Variants in SPIDR observed in about 807,000 individuals in gnomAD.
The protein encoded by SPIDR is scaffold protein involved in DNA repair.
SPIDR carries 93 observed loss-of-function variants against 104.6 expected under a neutral mutation model. The ratio of observed to expected loss-of-function variants is 0.89; its 90% CI spans 0.75 to 1.06. SPIDR has a LOEUF of 1.06. Among genes scored for constraint, SPIDR ranks in the 50% least tolerant of loss-of-function variants. SPIDR has a pLI of 0.00. For missense variants in SPIDR, 1,154 were observed against 1,111.2 expected, an observed-to-expected ratio of 1.04 and a Z score of -0.55; for synonymous variants, 431 against 416.9, an observed-to-expected ratio of 1.03 and a Z score of -0.41.
At chr8:47,554,829 C>T (rs146677875) in intron 8 of SPIDR, among the ~76,000 whole-genome samples, 43 of 152,352 alleles carry the variant, frequency 2.8e-4, no homozygotes, top group African/African-American at 9.6e-4. Context: ...CTGCGTCATT[C>T]ACGCTTGGAG....
intron 15 of SPIDR, 103 bp downstream of exon 15, chr8:47,712,975 G>A (rs897038171): frequency 3.9e-5 from 60 of 1,541,180 alleles, no homozygotes; most frequent in Middle Eastern, 4.6e-4. Flanking sequence ...GGACGCTGCC[G>A]GCACCTTCAC....
chr8:47,386,566 A>G (rs2059929470), intron 5 of SPIDR, among the ~76,000 whole-genome samples: 1 of 152,070 alleles, frequency 6.6e-6, no homozygotes, highest in Non-Finnish European at 1.5e-5. Context: ...TACCTCTGTT[A>G]CTGGATTGCT....
In SPIDR at chr8:47,524,768, G is replaced by C. The variant is rs183826313; in HGVS notation, c.1098-71043G>C. On this transcript the variant is annotated intron_variant, in intron 8 of 19. Coordinates refer to ENST00000297423, the MANE Select transcript of SPIDR (RefSeq NM_001080394.4). ...AACACTCAGAGGTTGGAAGGGAATT[G>C]GGAGAACTAAGTAATTATTAATAAA... Among the ~76,000 whole-genome samples the C allele has an allele frequency of 1.2e-3, 177 of 152,304 alleles. 1 individual carries two copies. The highest frequency in any genetic ancestry group is 2.4e-4 in the Non-Finnish European group (16 of 68,030).
chr8:47,567,528 A>G (rs1215472139), intron 8 of SPIDR, among the ~76,000 whole-genome samples: 1 of 151,990 alleles, frequency 6.6e-6, no homozygotes, highest in Non-Finnish European at 1.5e-5. Flanking sequence ...CTGAGGATAA[A>G]CAATATTTCT....
intron 8 of SPIDR, among the ~76,000 whole-genome samples, chr8:47,593,586 T>G (rs2061313587): frequency 6.6e-6 from 1 of 152,196 alleles, no homozygotes; most frequent in Non-Finnish European, 1.5e-5. Flanking sequence ...ACATGGACAT[T>G]TGGAGTATTA....
chr8:47,724,414 C>G (rs1042040754), intron 16 of SPIDR, among the ~76,000 whole-genome samples: 2 of 152,248 alleles, frequency 1.3e-5, no homozygotes, highest in African/African-American at 4.8e-5. Context: ...GTCTGCCCAC[C>G]TCCATCAGAT....
intron 8 of SPIDR, among the ~76,000 whole-genome samples, chr8:47,466,488 C>CA (rs1554716988): frequency 2.0e-5 from 3 of 152,152 alleles, no homozygotes; most frequent in African/African-American, 7.2e-5. Flanking sequence ...AACTAAGATA[C>CA]AGCATACCAG....
intron 11 of SPIDR, among the ~76,000 whole-genome samples, chr8:47,692,730 G>A (rs1256125113): frequency 6.6e-6 from 1 of 151,948 alleles, no homozygotes; most frequent in Non-Finnish European, 1.5e-5. Context: ...TTACAGGTGT[G>A]AGCCACCACA....
chr8:47,379,691 A>G (rs1302585046), intron 5 of SPIDR, among the ~76,000 whole-genome samples: 1 of 152,220 alleles, frequency 6.6e-6, no homozygotes, highest in Non-Finnish European at 1.5e-5. Flanking sequence ...GGCACAGTGC[A>G]CACAAGCATA....
intron 7 of SPIDR, among the ~76,000 whole-genome samples, chr8:47,416,742 G>C (rs1047018689): frequency 1.3e-5 from 2 of 151,962 alleles, no homozygotes; most frequent in Non-Finnish European, 2.9e-5. Flanking sequence ...TTTAACATTA[G>C]GTATATCTCC....
At chr8:47,400,362 T>C (rs2061714368) in intron 6 of SPIDR, among the ~76,000 whole-genome samples, 1 of 152,246 alleles carries the variant, frequency 6.6e-6, no homozygotes, top group Non-Finnish European at 1.5e-5. Context: ...TGAGGATGTC[T>C]GTTTTGAAGT....
intron 8 of SPIDR, among the ~76,000 whole-genome samples, chr8:47,545,434 T>C (rs2089186333): frequency 6.6e-6 from 1 of 152,150 alleles, no homozygotes; most frequent in African/African-American, 2.4e-5. Flanking sequence ...GTCCATGTAT[T>C]CTAGTTTGCT....
At chr8:47,341,138 G>C (rs189512046) in intron 5 of SPIDR, among the ~76,000 whole-genome samples, 55 of 152,290 alleles carry the variant, frequency 3.6e-4, no homozygotes, top group Admixed American at 3.2e-3. Flanking sequence ...TGTGGGGTCT[G>C]TGCTAACTCA....
chr8:47,310,997 T>A (rs1171828246), intron 5 of SPIDR, among the ~76,000 whole-genome samples: 7 of 152,176 alleles, frequency 4.6e-5, no homozygotes, highest in Non-Finnish European at 8.8e-5. Context: ...GCCAATTAAT[T>A]GAGACTGGCC....
intron 10 of SPIDR, among the ~76,000 whole-genome samples, chr8:47,663,778 G>A (rs554680689): frequency 7.9e-5 from 12 of 152,120 alleles, no homozygotes; most frequent in Admixed American, 2.0e-4. Flanking sequence ...TTTCTCACAC[G>A]ACACATGCTA....
intron 1 of SPIDR, among the ~76,000 whole-genome samples, chr8:47,262,441 A>G: frequency 6.6e-6 from 1 of 152,222 alleles, no homozygotes; most frequent in East Asian, 1.9e-4. Context: ...AGACTCAGGA[A>G]TCTGAGAACG....
intron 10 of SPIDR, chr8:47,660,507 T>C: frequency 1.0e-6 from 1 of 985,434 alleles, no homozygotes; most frequent in Non-Finnish European, 1.2e-6. Flanking sequence ...AGCTGATGGC[T>C]GAAACAGGTG....
At chr8:47,504,085 A>T (rs539781850) in intron 8 of SPIDR, among the ~76,000 whole-genome samples, 4 of 151,710 alleles carry the variant, frequency 2.6e-5, no homozygotes, top group Non-Finnish European at 4.4e-5. Flanking sequence ...CTCCATTTCA[A>T]CCTTGGTGAA....
intron 10 of SPIDR, among the ~76,000 whole-genome samples, chr8:47,665,427 A>G (rs554329482): frequency 1.3e-5 from 2 of 152,290 alleles, no homozygotes; most frequent in South Asian, 4.1e-4. Context: ...GAAACCAAAG[A>G]CCACTGTCGT....
Sources: allele counts gnomAD v4.1 joint callset (sites outside exome capture counted in the v4.1 genomes callset), GRCh38; gene constraint gnomAD v4.1.1; transcripts MANE v1.5; gene names NCBI Gene and HGNC (gene_info 2026-07-23, HGNC 2026-07-21).